The following UBE2E3 variants were observed in gnomAD, a reference collection of about 807,000 sequenced individuals.
UBE2E3 encodes ubiquitin conjugating enzyme E2 E3.
In UBE2E3, 5 loss-of-function variants were observed where a neutral mutation model predicts 23.6. The observed-to-expected ratio is 0.21, with a 90% CI of 0.11 to 0.44. The LOEUF (loss-of-function observed/expected upper bound fraction) is 0.44, where lower values mean the gene tolerates loss of function less well. UBE2E3 is among the 20% of genes least tolerant of loss of function. UBE2E3 has a pLI of 0.99. For synonymous variants in UBE2E3, 78 were observed against 87.5 expected, an observed-to-expected ratio of 0.89 and a Z score of 0.60; for missense variants, 81 against 249.8, an observed-to-expected ratio of 0.32 and a Z score of 4.55.
chr2:181,030,677 T>C (rs1010057866), intron 3 of UBE2E3, among the ~76,000 whole-genome samples: 2 of 152,142 alleles, frequency 1.3e-5, no homozygotes, highest in South Asian at 4.1e-4. Flanking sequence ...CCTGTAAAAC[T>C]ATGTGGACCT....
intron 3 of UBE2E3, among the ~76,000 whole-genome samples, chr2:181,036,480 T>G (rs1419923288): frequency 1.3e-5 from 2 of 152,226 alleles, no homozygotes; most frequent in Non-Finnish European, 2.9e-5. Flanking sequence ...TCTTCTCCCG[T>G]GTCTGTGTGG....
chr2:180,987,653 TAAA>T (rs1439854503), intron 3 of UBE2E3, among the ~76,000 whole-genome samples: 6 of 152,022 alleles, frequency 3.9e-5, no homozygotes, highest in Non-Finnish European at 7.4e-5. Flanking sequence ...TCTTTAAAAA[TAAA>T]AAAATAATGA....
intron 5 of UBE2E3, among the ~76,000 whole-genome samples, chr2:181,061,475 C>G (rs1376671066): frequency 6.6e-6 from 1 of 150,730 alleles, no homozygotes; most frequent in East Asian, 2.0e-4. Context: ...GCCTCCTTTT[C>G]CTGCTCCTTC....
intron 3 of UBE2E3, among the ~76,000 whole-genome samples, chr2:181,001,466 G>T (rs574748831): frequency 1.3e-5 from 2 of 152,134 alleles, no homozygotes; most frequent in Non-Finnish European, 2.9e-5. Flanking sequence ...TAGAGGGTGG[G>T]ACATCAAGAA....
At chr2:181,047,993 T>C (rs574931859) in intron 3 of UBE2E3, among the ~76,000 whole-genome samples, 3 of 152,306 alleles carry the variant, frequency 2.0e-5, no homozygotes, top group East Asian at 1.9e-4. Context: ...TTCTGCCACA[T>C]TGTGCTTCCA....
chr2:180,985,573 A>T (rs985045069), intron 3 of UBE2E3, among the ~76,000 whole-genome samples: 1 of 152,146 alleles, frequency 6.6e-6, no homozygotes, highest in Non-Finnish European at 1.5e-5. Flanking sequence ...TCTATTGAAC[A>T]GTGCCGCTTT....
chr2:181,055,453 C>A (rs975271535), intron 3 of UBE2E3, among the ~76,000 whole-genome samples: 3 of 151,614 alleles, frequency 2.0e-5, no homozygotes, highest in Admixed American at 2.0e-4. Context: ...CCCTTCCCAT[C>A]TTGCCGTATG....
intron 3 of UBE2E3, among the ~76,000 whole-genome samples, chr2:181,041,409 A>T (rs533703114): frequency 6.6e-6 from 1 of 151,820 alleles, no homozygotes; most frequent in Non-Finnish European, 1.5e-5. Context: ...GTTAAAATGG[A>T]TGTCAGGGTT....
intron 3 of UBE2E3, among the ~76,000 whole-genome samples, chr2:181,030,356 C>T (rs1686037694): frequency 1.3e-5 from 2 of 151,834 alleles, no homozygotes; most frequent in South Asian, 2.1e-4. Flanking sequence ...CTCTGTCGCC[C>T]AGGCTGGAGT....
chr2:181,046,938 C>G (rs941622578), intron 3 of UBE2E3, among the ~76,000 whole-genome samples: 1 of 152,084 alleles, frequency 6.6e-6, no homozygotes. Context: ...GAAAACTATT[C>G]AGAGTAGAAA....
At chr2:181,035,946 T>C (rs1344345665) in intron 3 of UBE2E3, among the ~76,000 whole-genome samples, 3 of 152,192 alleles carry the variant, frequency 2.0e-5, no homozygotes, top group Non-Finnish European at 4.4e-5. Flanking sequence ...AGGTATAAAG[T>C]AAGCCTCCAA....
chr2:181,011,582 G>A (rs1404303527), intron 3 of UBE2E3, among the ~76,000 whole-genome samples: 4 of 152,134 alleles, frequency 2.6e-5, no homozygotes, highest in African/African-American at 9.6e-5. Flanking sequence ...AATTTTTTAA[G>A]AAAAATAATG....
intron 3 of UBE2E3, among the ~76,000 whole-genome samples, chr2:180,994,431 A>G (rs1684766584): frequency 6.6e-6 from 1 of 152,170 alleles, no homozygotes; most frequent in African/African-American, 2.4e-5. Context: ...AATCTCAGAC[A>G]TCATTTCATC....
chr2:181,048,088 A>G (rs6744130), intron 3 of UBE2E3, among the ~76,000 whole-genome samples: 2 of 152,100 alleles, frequency 1.3e-5, no homozygotes, highest in Non-Finnish European at 2.9e-5. Flanking sequence ...TTCAGCTTCT[A>G]CTGATAAACC....
chr2:181,006,020 G>A (rs960002106), intron 3 of UBE2E3, among the ~76,000 whole-genome samples: 2 of 152,140 alleles, frequency 1.3e-5, no homozygotes, highest in African/African-American at 2.4e-5. Flanking sequence ...CCAGTTTATG[G>A]GCTAAGGACT....
At chr2:181,054,817 A>C (rs1344742166) in intron 3 of UBE2E3, among the ~76,000 whole-genome samples, 1 of 151,812 alleles carries the variant, frequency 6.6e-6, no homozygotes, top group Non-Finnish European at 1.5e-5. Flanking sequence ...TGTAGGTAGA[A>C]AAGAGAAGAG....
intron 3 of UBE2E3, among the ~76,000 whole-genome samples, chr2:181,056,700 TAGCAATCACAAATGGATGCTA>T (rs1471126528): frequency 2.0e-5 from 3 of 151,772 alleles, no homozygotes; most frequent in Non-Finnish European, 4.4e-5. Flanking sequence ...GATCAAACCA[TAGCAATCACAAATGGATGCTA>T]AATCTTGGGA....
At chr2:181,051,020 C>T (rs533167837) in intron 3 of UBE2E3, among the ~76,000 whole-genome samples, 7 of 151,860 alleles carry the variant, frequency 4.6e-5, no homozygotes, top group African/African-American at 1.2e-4. Flanking sequence ...GAAGTTTCTT[C>T]GTACTTTCTT....
intron 3 of UBE2E3, among the ~76,000 whole-genome samples, chr2:181,004,150 C>T (rs994468999): frequency 2.0e-5 from 3 of 152,172 alleles, no homozygotes; most frequent in African/African-American, 7.2e-5. Context: ...CTTTGCTTTT[C>T]TCTTCACTTT....
Sources: gnomAD v4.1 joint callset for allele counts (sites outside exome capture counted in the v4.1 genomes callset) on GRCh38, gnomAD v4.1.1 for gene constraint, MANE v1.5 for transcripts, NCBI Gene and HGNC (gene_info 2026-07-23, HGNC 2026-07-21) for gene names.